The following KCNH8 variants were observed in gnomAD, a reference collection of about 807,000 sequenced individuals.
KCNH8 encodes voltage-gated delayed rectifier potassium channel KCNH8.
In KCNH8, 70 loss-of-function variants were observed where a neutral mutation model predicts 103.6. The observed-to-expected ratio is 0.68, with a 90% CI of 0.56 to 0.82. KCNH8 has a LOEUF of 0.82. Ranked by LOEUF, KCNH8 falls within the 40% of genes least tolerant of loss-of-function variation. The pLI is 0.00. For missense variants in KCNH8, 1,217 were observed against 1,329.9 expected (o/e 0.92, Z 1.32); for synonymous variants, 498 against 489.4 (o/e 1.02, Z -0.23).
chr3:19,280,362 T>C (rs762134088), intron 2 of KCNH8, among the ~76,000 whole-genome samples: 2 of 152,026 alleles, frequency 1.3e-5, no homozygotes, highest in Non-Finnish European at 2.9e-5. Context: ...GTAAACAGCA[T>C]AAAGATCATG....
chr3:19,380,819 C>G (rs978706339), intron 5 of KCNH8, among the ~76,000 whole-genome samples: 2 of 152,158 alleles, frequency 1.3e-5, no homozygotes. Flanking sequence ...TGTGATTTTA[C>G]TGTTCACAAT....
intron 3 of KCNH8, among the ~76,000 whole-genome samples, chr3:19,284,512 TG>T (rs2125276452): frequency 8.4e-6 from 1 of 119,298 alleles, no homozygotes; most frequent in South Asian, 2.4e-4. Flanking sequence ...TCTGCTGGTG[TG>T]TGTGTGTGTG....
chr3:19,290,430 T>C (rs1022768801), intron 3 of KCNH8, among the ~76,000 whole-genome samples: 6 of 152,234 alleles, frequency 3.9e-5, no homozygotes, highest in Non-Finnish European at 7.3e-5. Context: ...CATCAATACC[T>C]AATTTATTGA....
intron 5 of KCNH8, among the ~76,000 whole-genome samples, chr3:19,387,366 T>A (rs1370300966): frequency 6.6e-6 from 1 of 152,160 alleles, no homozygotes; most frequent in African/African-American, 2.4e-5. Context: ...TCAGAAAACA[T>A]CCTCTGTCTC....
rs547798737 is a variant in KCNH8, at chr3:19,306,116, C to T, written c.442+24787C>T. Among the ~76,000 whole-genome samples the T allele has an allele frequency of 1.8e-3, 273 of 151,922 alleles. 6 individuals are homozygous for T. The South Asian group carries it at 0.047, about 26-fold the overall frequency. The stretch of plus-strand genomic sequence containing the variant: ...CTATGAACTATTGGACAAGTTATGC[C>T]GCATGCATGTATAACTTTTATTTAT... On this transcript the variant is annotated intron_variant, in intron 3 of 15. Coordinates refer to ENST00000328405, the MANE Select transcript of KCNH8 (RefSeq NM_144633.3).
chr3:19,331,439 G>A (rs1035285226), intron 3 of KCNH8, among the ~76,000 whole-genome samples: 1 of 151,790 alleles, frequency 6.6e-6, no homozygotes, highest in African/African-American at 2.4e-5. Flanking sequence ...CTACAGGTGT[G>A]TGTCACCACG....
At position 19,512,976 on chromosome 3, in the gene KCNH8, C is replaced by T; in HGVS notation, c.2086C>T (p.Pro696Ser). The T allele has an allele frequency of 6.2e-7, 1 of 1,612,824 alleles. No homozygotes were observed. Among genetic ancestry groups the T allele is most frequent in the Non-Finnish European group, 8.5e-7 (1 of 1,179,454 alleles). The change falls in exon 13 of 16, where the codon CCC (proline) becomes TCC (serine). Residue 696 changes from proline to serine, a missense_variant. Pro to Ser is a moderately conservative substitution (Grantham distance 74). This residue lies in a region of KCNH8 where 558 missense variants were observed against 495.8 expected (regional missense o/e 1.13). Coordinates refer to ENST00000328405, the MANE Select transcript of KCNH8 (RefSeq NM_144633.3). ...SNKSMVSQSE[P>S]KGNGNINKRL... is the part of the protein sequence containing the mutation. ...ATATTATCCACTGATTTAGTCAGAGCCCAAGGGAAATGGCAACATCAACAA... is the reference window on the plus strand; with the variant it reads ...ATATTATCCACTGATTTAGTCAGAGTCCAAGGGAAATGGCAACATCAACAA...
chr3:19,400,096 C>T (rs1035845479), intron 7 of KCNH8, among the ~76,000 whole-genome samples: 2 of 151,818 alleles, frequency 1.3e-5, no homozygotes, highest in African/African-American at 4.8e-5. Context: ...ATCACATGCT[C>T]AGACACAGAC....
chr3:19,361,018 C>G (rs980317540), intron 5 of KCNH8, among the ~76,000 whole-genome samples: 1 of 151,922 alleles, frequency 6.6e-6, no homozygotes, highest in Non-Finnish European at 1.5e-5. Flanking sequence ...CATGCTAAGA[C>G]AAATTTCAGT....
At chr3:19,505,439 C>T (rs1208357993) in intron 11 of KCNH8, among the ~76,000 whole-genome samples, 2 of 151,910 alleles carry the variant, frequency 1.3e-5, no homozygotes, top group African/African-American at 4.8e-5. Flanking sequence ...GCACATGTAC[C>T]CCTGAACTTA....
At chr3:19,161,085 G>C (rs77579567) in intron 1 of KCNH8, among the ~76,000 whole-genome samples, 148 of 152,150 alleles carry the variant, frequency 9.7e-4, no homozygotes, top group African/African-American at 3.5e-3. Flanking sequence ...ATTGTGATGG[G>C]AAAAAAATTG....
intron 12 of KCNH8, 87 bp downstream of exon 12, chr3:19,510,488 A>T (rs558499443): frequency 9.2e-6 from 8 of 872,418 alleles, no homozygotes; most frequent in African/African-American, 1.7e-5. Flanking sequence ...TCAGAATTTC[A>T]TGTATTTATC....
intron 15 of KCNH8, among the ~76,000 whole-genome samples, chr3:19,529,569 G>T (rs2069125711): frequency 6.6e-6 from 1 of 152,158 alleles, no homozygotes; most frequent in Non-Finnish European, 1.5e-5. Flanking sequence ...AACATTTGAT[G>T]AAGACTGAGG....
chr3:19,317,726 A>G (rs2065292048), intron 3 of KCNH8, among the ~76,000 whole-genome samples: 1 of 152,018 alleles, frequency 6.6e-6, no homozygotes, highest in Non-Finnish European at 1.5e-5. Context: ...GACAAAAAGC[A>G]CATAATTATC....
chr3:19,446,849 GA>G, intron 8 of KCNH8, among the ~76,000 whole-genome samples: 1 of 151,886 alleles, frequency 6.6e-6, no homozygotes, highest in Non-Finnish European at 1.5e-5. Flanking sequence ...AAGAGAAAGA[GA>G]AAGAGAAAGA....
intron 1 of KCNH8, among the ~76,000 whole-genome samples, chr3:19,234,727 C>A (rs866368924): frequency 1.3e-5 from 2 of 152,262 alleles, no homozygotes; most frequent in African/African-American, 2.4e-5. Context: ...CCTCAAGTGC[C>A]GCCAAAGTAG....
intron 1 of KCNH8, among the ~76,000 whole-genome samples, chr3:19,198,688 A>G (rs547635447): frequency 1.6e-4 from 24 of 151,982 alleles, no homozygotes; most frequent in African/African-American, 4.6e-4. Flanking sequence ...AAATTTTCCA[A>G]ACAACCATTA....
intron 2 of KCNH8, among the ~76,000 whole-genome samples, chr3:19,262,314 C>T (rs531913686): frequency 6.6e-6 from 1 of 151,100 alleles, no homozygotes; most frequent in Non-Finnish European, 1.5e-5. Context: ...TGTAGATATC[C>T]TTCTCATCCA....
At chr3:19,503,896 T>C (rs1270566851) in intron 11 of KCNH8, among the ~76,000 whole-genome samples, 1 of 151,886 alleles carries the variant, frequency 6.6e-6, no homozygotes, top group Non-Finnish European at 1.5e-5. Context: ...ACCTGCACAT[T>C]GTGCACAGGT....
Sources: gnomAD v4.1 joint callset for allele counts (sites outside exome capture counted in the v4.1 genomes callset) on GRCh38, gnomAD v4.1.1 for gene constraint, gnomAD v4.1.1 regional missense constraint, MANE v1.5 for transcripts, NCBI Gene and HGNC (gene_info 2026-07-23, HGNC 2026-07-21) for gene names.